KCTD17: variants seen among roughly 807,000 people sequenced by gnomAD.
The protein encoded by KCTD17 is potassium channel tetramerization domain containing 17, also known as BTB/POZ domain-containing protein KCTD17.
KCTD17 carries 20 observed loss-of-function variants against 41.5 expected under a neutral mutation model. The observed-to-expected ratio is 0.48, with a 90% confidence interval of 0.34 to 0.70. The LOEUF is 0.70. KCTD17 is among the 30% of genes least tolerant of loss of function. The pLI is 0.01. For missense variants in KCTD17, 317 were observed against 427.2 expected (o/e 0.74, Z 2.27); for synonymous variants, 156 against 173.8 (o/e 0.90, Z 0.80).
At position 37,060,809 on chromosome 22, in the gene KCTD17, C is replaced by T. The variant is rs996363574; in HGVS notation, c.613-14C>T. On this transcript the variant is annotated splice_polypyrimidine_tract_variant and intron_variant, in intron 5 of 8. Coordinates refer to ENST00000403888, the MANE Select transcript of KCTD17 (RefSeq NM_001282684.2). ...TCCACTCTTTCTTCCCTGGGTCCGC[C>T]GGCTGGTTCACAGAGCACGGAGGAG... The T allele has an allele frequency of 1.4e-5, 20 of 1,477,358 alleles. No individual in the cohort carries two copies. The Admixed American group carries it at 2.3e-4, about 17-fold the overall frequency. 91.5% of individuals were successfully genotyped at this position (1,477,358 alleles called of 1,614,324 possible).
At chr22:37,056,277 G>A in intron 2 of KCTD17, 43 bp from the exon 3 acceptor site, 2 of 1,549,574 alleles carry the variant, frequency 1.3e-6, no homozygotes, top group African/African-American at 1.4e-5. Context: ...AATGGGGCAT[G>A]GAGGCAGAAG....
intron 5 of KCTD17, 52 bp from the exon 6 acceptor site, chr22:37,060,771 C>G: frequency 1.4e-6 from 2 of 1,451,820 alleles, no homozygotes; most frequent in Admixed American, 2.8e-5. Flanking sequence ...GCCCTGGCCC[C>G]TCTGTTAGTG....
At chr22:37,062,415 T>G in intron 8 of KCTD17, 110 bp from the exon 9 acceptor site, 1 of 1,126,474 alleles carries the variant, frequency 8.9e-7, no homozygotes, top group Non-Finnish European at 1.1e-6. Context: ...TCTCTCCCTC[T>G]CCCCCACCCG....
Position 37,061,176 on chromosome 22 carries a change from G to A in KCTD17, c.784+1G>A. The stretch of plus-strand genomic sequence containing the variant: ...CCTCCTCCTCCGCTTCCCGCTGGAG[G>A]TCCTGCCTCATCTTCATCCACCTCT... On this transcript the variant is annotated splice_donor_variant, in intron 7 of 8. Coordinates refer to ENST00000403888, the MANE Select transcript of KCTD17 (RefSeq NM_001282684.2). LOFTEE classifies it high-confidence loss of function. This position sits in a 1 kb window ranked among gnomAD's most constrained non-coding sequence, Gnocchi z 6.6. The A allele has an allele frequency of 6.4e-7, 1 of 1,550,842 alleles. No homozygotes were observed. The highest frequency in any genetic ancestry group is 8.7e-7 in the Non-Finnish European group (1 of 1,146,850).
chr22:37,059,053 C>T (rs1568985442), intron 4 of KCTD17, among the ~76,000 whole-genome samples: 1 of 152,160 alleles, frequency 6.6e-6, no homozygotes. Context: ...GGTAATGCTG[C>T]CACCCTCCAC....
chr22:37,058,963 G>A (rs1025277446), intron 4 of KCTD17, among the ~76,000 whole-genome samples: 1 of 152,204 alleles, frequency 6.6e-6, no homozygotes, highest in African/African-American at 2.4e-5. Flanking sequence ...GGGGACAGCC[G>A]CCCTTTAGAG....
At chr22:37,054,412 G>A (rs1924851862) in intron 2 of KCTD17, among the ~76,000 whole-genome samples, 1 of 148,848 alleles carries the variant, frequency 6.7e-6, no homozygotes, top group African/African-American at 2.6e-5. Context: ...GGGGCTAGGG[G>A]ATCACACAGG....
chr22:37,062,436 CTCCG>C, intron 8 of KCTD17, 85 bp from the exon 9 acceptor site: 1 of 1,410,902 alleles, frequency 7.1e-7, no homozygotes, highest in Non-Finnish European at 9.5e-7. Context: ...TCAATCTCCT[CTCCG>C]CCCCCTTGCC....
chr22:37,062,213 C>T, intron 8 of KCTD17: 4 of 985,388 alleles, frequency 4.1e-6, no homozygotes, highest in Non-Finnish European at 4.8e-6. Flanking sequence ...CATCCCACCC[C>T]CTTCAGAGTC....
chr22:37,061,806 T>C lies in KCTD17; in HGVS notation c.875+177T>C. ...GAAGAAAGTTAGGGAGTGGGAACTT[T>C]CCTACCAGCCCATCAGCACCAGAGC... On this transcript the variant is annotated intron_variant, in intron 8 of 8. Coordinates refer to ENST00000403888, the MANE Select transcript of KCTD17 (RefSeq NM_001282684.2). This position sits in a 1 kb window ranked among gnomAD's most constrained non-coding sequence, Gnocchi z 6.6. 2 of 985,338 alleles carry C rather than the reference T, an allele frequency of 2.0e-6. No individual in the cohort carries two copies. The highest frequency in any genetic ancestry group is 2.4e-6 in the Non-Finnish European group (2 of 829,914). 61.0% of individuals were successfully genotyped at this position (985,338 alleles called of 1,614,324 possible). A position where few individuals can be genotyped will look rare whatever the true frequency, so the allele number is the denominator to read the frequency against.
In KCTD17 at chr22:37,061,293, C is replaced by G. The variant is rs1925749756; in HGVS notation, c.784+118C>G. On this transcript the variant is annotated intron_variant, in intron 7 of 8. Transcript: ENST00000403888. This position sits in a 1 kb window ranked among gnomAD's most constrained non-coding sequence, Gnocchi z 6.6. ...GCCTGCTCACGCCTCCATCCCGGGT[C>G]TGCCCTGGTCCCAGCCTCCCGTGCC... 1 of 1,526,622 alleles carries G rather than the reference C, an allele frequency of 6.6e-7. No individual in the cohort carries two copies. 94.6% of individuals were successfully genotyped at this position (1,526,622 alleles called of 1,614,324 possible). A position where few individuals can be genotyped will look rare whatever the true frequency, so the allele number is the denominator to read the frequency against.
Position 37,061,351 on chromosome 22 carries a change from A to G in KCTD17, c.784+176A>G. 1 of 1,481,268 alleles carries G rather than the reference A, an allele frequency of 6.8e-7. No homozygotes were observed. Among genetic ancestry groups the G allele is most frequent in the Admixed American group, 2.2e-5 (1 of 45,904 alleles). 91.8% of individuals were successfully genotyped at this position (1,481,268 alleles called of 1,614,324 possible). A position where few individuals can be genotyped will look rare whatever the true frequency, so the allele number is the denominator to read the frequency against. On this transcript the variant is annotated intron_variant, in intron 7 of 8. Coordinates refer to ENST00000403888, the MANE Select transcript of KCTD17 (RefSeq NM_001282684.2). This position sits in a 1 kb window ranked among gnomAD's most constrained non-coding sequence, Gnocchi z 6.6. Reference sequence around the variant, plus strand: ...CAGGCCCCCTGGCCCTGCATCCCAGAGCGTCCTGCCTGCCGCCTCCTGCGC... The same window carrying G: ...CAGGCCCCCTGGCCCTGCATCCCAGGGCGTCCTGCCTGCCGCCTCCTGCGC...
At chr22:37,052,243 G>T in intron 1 of KCTD17, 1 of 437,410 alleles carries the variant, frequency 2.3e-6, no homozygotes, top group Non-Finnish European at 4.2e-6. Context: ...GAGAGACCTG[G>T]GACCTTTCCT....
At chr22:37,054,506 C>G (rs1361016796) in intron 2 of KCTD17, among the ~76,000 whole-genome samples, 1 of 151,228 alleles carries the variant, frequency 6.6e-6, no homozygotes, top group Non-Finnish European at 1.5e-5. Context: ...GGGGATCACG[C>G]AGGGCTATCC....
In KCTD17 at chr22:37,061,014, G is replaced by A. The variant is rs1360081920; in HGVS notation, c.713-90G>A. 2.1e-5 allele frequency: 32 copies of A among 1,547,692 alleles called. 1 individual carries two copies. The highest frequency in any genetic ancestry group is 1.2e-4 in the South Asian group (10 of 83,804). ...AGCCAGCTGCAGAACCGGGGGCCCC[G>A]GGGCTGCTGGGGGGGCACCAGGGTT... On this transcript the variant is annotated intron_variant, in intron 6 of 8. Coordinates refer to ENST00000403888, the MANE Select transcript of KCTD17 (RefSeq NM_001282684.2). The surrounding 1 kb of genome is among the most constrained non-coding windows in gnomAD (Gnocchi z 6.6).
chr22:37,054,498 G>A (rs1450276533), intron 2 of KCTD17, among the ~76,000 whole-genome samples: 6 of 151,766 alleles, frequency 4.0e-5, no homozygotes, highest in Non-Finnish European at 8.8e-5. Flanking sequence ...GGGGGCTAGG[G>A]GATCACGCAG....
At position 37,061,398 on chromosome 22, in the gene KCTD17, C is replaced by T; in HGVS notation, c.785-141C>T. 2 of 1,474,140 alleles carry T rather than the reference C, an allele frequency of 1.4e-6. No homozygotes were observed. The highest frequency in any genetic ancestry group is 1.8e-6 in the Non-Finnish European group (2 of 1,113,040). The allele number at this position is 1,474,140 out of a possible 1,614,324, so 91.3% of individuals were successfully genotyped here. ...GCGCCCCTTCTGGTACCTCCTGCCT[C>T]CCAGCCTGGGGAGGAGGGGCGCAGC... On this transcript the variant is annotated intron_variant, in intron 7 of 8. Coordinates refer to ENST00000403888, the MANE Select transcript of KCTD17 (RefSeq NM_001282684.2). This position sits in a 1 kb window ranked among gnomAD's most constrained non-coding sequence, Gnocchi z 6.6.
At position 37,052,441 on chromosome 22, in the gene KCTD17, A is replaced by T. The variant is rs1188486724; in HGVS notation, c.189+492A>T. On this transcript the variant is annotated intron_variant, in intron 1 of 8. Coordinates refer to ENST00000403888, the MANE Select transcript of KCTD17 (RefSeq NM_001282684.2). ...GCACTATTTCTGAGCACCCACCCTG[A>T]CTCTGCTGCACACTGCCTGCCGCGA... is the stretch of plus-strand genomic sequence containing the variant. 9 of 439,344 alleles carry T rather than the reference A, an allele frequency of 2.0e-5. No homozygotes were observed. The Admixed American group carries it at 2.1e-4, about 10-fold the overall frequency. 27.2% of individuals were successfully genotyped at this position (439,344 alleles called of 1,614,324 possible). A position where few individuals can be genotyped will look rare whatever the true frequency, so the allele number is the denominator to read the frequency against.
intron 1 of KCTD17, 74 bp downstream of exon 1, chr22:37,052,023 C>T (rs940731873): frequency 7.8e-7 from 1 of 1,281,382 alleles, no homozygotes; most frequent in Non-Finnish European, 9.9e-7. Context: ...TCGGGCCTGG[C>T]TCGCCCGCCA....
Sources: allele counts gnomAD v4.1 joint callset (sites outside exome capture counted in the v4.1 genomes callset), GRCh38; gene constraint gnomAD v4.1.1; non-coding constraint Gnocchi (gnomAD v3.1); transcripts MANE v1.5; gene names NCBI Gene and HGNC (gene_info 2026-07-23, HGNC 2026-07-21).